Variants in RPS27L observed in about 807,000 individuals in gnomAD.
RPS27L encodes ribosomal protein S27 like, also known as ribosomal protein eS27-like.
In RPS27L, 10 loss-of-function variants were observed where a neutral mutation model predicts 12.8. The observed-to-expected ratio is 0.78, with a 90% confidence interval of 0.48 to 1.33. RPS27L has a LOEUF of 1.33. RPS27L is among the 40% of genes most tolerant of loss of function. The probability of loss-of-function intolerance (pLI) is 0.00; values close to 1 mark genes in which losing one functional copy is unlikely to be tolerated. For missense variants in RPS27L, 81 were observed against 97.4 expected (o/e 0.83, Z 0.71); for synonymous variants, 26 against 32.3 (o/e 0.81, Z 0.66).
chr15:63,154,770 A>G (rs2037321081), intron 3 of RPS27L: 1 of 152,084 alleles, frequency 6.6e-6, no homozygotes, highest in African/African-American at 2.4e-5. Context: ...AACTATATAT[A>G]TAATTTTTTT....
chr15:63,157,348 C>T (rs2037339677), intron 1 of RPS27L, 52 bp downstream of exon 1: 1 of 1,608,508 alleles, frequency 6.2e-7, no homozygotes, highest in African/African-American at 1.3e-5. Flanking sequence ...TCCCATATGA[C>T]TCTCGGTAAA....
chr15:63,150,107 TA>T lies in RPS27L; in HGVS notation c.*3924del, dbSNP rs2037290215. The T allele has an allele frequency of 6.6e-6, 1 of 152,128 alleles. No individual in the cohort carries two copies. The highest frequency in any genetic ancestry group is 1.5e-5 in the Non-Finnish European group (1 of 68,014). 9.4% of individuals were successfully genotyped at this position (152,128 alleles called of 1,614,324 possible). ...AAATAAATAAAAAGTGAAAACACTCTAAGTATCTATCAACTGATGAATGGAT... is the reference window on the plus strand; with the variant it reads ...AAATAAATAAAAAGTGAAAACACTCTAGTATCTATCAACTGATGAATGGAT... On this transcript the variant is annotated 3_prime_UTR_variant, in exon 4 of 4. Transcript: ENST00000330964.
Position 63,152,886 on chromosome 15 carries a change from A to C in RPS27L, c.*1146T>G, listed in dbSNP as rs1224470427. On this transcript the variant is annotated 3_prime_UTR_variant, in exon 4 of 4. Transcript: ENST00000330964. ...GATTTAAGCAGTATGTAAGAGGATC[A>C]GTTGCTCACATTAGAGGCCTACCTG... 6.6e-6 allele frequency: 1 copy of C among 152,202 alleles called. No individual in the cohort carries two copies. The highest frequency in any genetic ancestry group is 6.5e-5 in the Admixed American group (1 of 15,268). 9.4% of individuals were successfully genotyped at this position (152,202 alleles called of 1,614,324 possible).
rs1279322857 is a variant in RPS27L, at chr15:63,151,075, T to G, written c.*2957A>C. ...AAATATGAAGTCAATATAAATAATA[T>G]TTAAAACATTCAGTATATAATAATG... On this transcript the variant is annotated 3_prime_UTR_variant, in exon 4 of 4. Transcript: ENST00000330964. 6.6e-6 allele frequency: 1 copy of G among 152,182 alleles called. No homozygotes were observed. Among genetic ancestry groups the G allele is most frequent in the Non-Finnish European group, 1.5e-5 (1 of 68,024 alleles). 9.4% of individuals were successfully genotyped at this position (152,182 alleles called of 1,614,324 possible). A position where few individuals can be genotyped will look rare whatever the true frequency, so the allele number is the denominator to read the frequency against.
In RPS27L at chr15:63,148,852, C is replaced by CTTTTTTTTT. The variant is rs138519912; in HGVS notation, c.*5171_*5179dup. 1 of 119,446 alleles carries CTTTTTTTTT rather than the reference C, an allele frequency of 8.4e-6. No homozygotes were observed. The highest frequency in any genetic ancestry group is 1.7e-5 in the Non-Finnish European group (1 of 58,026). 7.4% of individuals were successfully genotyped at this position (119,446 alleles called of 1,614,324 possible). ...CAAACACCATGACCTGATGTCATTT[C>CTTTTTTTTT]TTTTTTTTTTTTTTTTTTTTTTTTC... On this transcript the variant is annotated 3_prime_UTR_variant, in exon 4 of 4. Transcript: ENST00000330964.
In RPS27L at chr15:63,150,661, G is replaced by GA. The variant is rs1461490613; in HGVS notation, c.*3370_*3371insT. On this transcript the variant is annotated 3_prime_UTR_variant, in exon 4 of 4. Transcript: ENST00000330964. ...TTTAGCTTATTTATTTTTTTCTTGAGCTGGAGTCTTGCTCTGTCACCCAGG... is the reference window on the plus strand; with the variant it reads ...TTTAGCTTATTTATTTTTTTCTTGAGACTGGAGTCTTGCTCTGTCACCCAGG... 6.6e-6 allele frequency: 1 copy of GA among 152,112 alleles called. No homozygotes were observed. Among genetic ancestry groups the GA allele is most frequent in the Non-Finnish European group, 1.5e-5 (1 of 68,046 alleles). 9.4% of individuals were successfully genotyped at this position (152,112 alleles called of 1,614,324 possible).
intron 1 of RPS27L, 162 bp downstream of exon 1, chr15:63,157,238 C>T (rs2037338441): frequency 1.3e-6 from 1 of 782,316 alleles, no homozygotes; most frequent in South Asian, 1.5e-5. Flanking sequence ...GGTGACCGGG[C>T]AAGTCACTAC....
chr15:63,153,977 A>T lies in RPS27L; in HGVS notation c.*55T>A, dbSNP rs369185447. ...ATTAATTAGAATTATGGAATTTATG[A>T]TAAGGCTTTCTGTGAGACAACACAA... On this transcript the variant is annotated 3_prime_UTR_variant, in exon 4 of 4. Coordinates refer to ENST00000330964, the MANE Select transcript of RPS27L (RefSeq NM_015920.4). 1.9e-4 allele frequency: 267 copies of T among 1,401,632 alleles called. 1 individual carries two copies. The South Asian group carries it at 3.0e-3, about 16-fold the overall frequency. The allele number at this position is 1,401,632 out of a possible 1,614,324, so 86.8% of individuals were successfully genotyped here. A position where few individuals can be genotyped will look rare whatever the true frequency, so the allele number is the denominator to read the frequency against.
At chr15:63,154,229 A>G (rs2037318227) in intron 3 of RPS27L, 169 bp from the exon 4 acceptor site, 5 of 587,970 alleles carry the variant, frequency 8.5e-6, no homozygotes, top group Admixed American at 3.2e-5. Flanking sequence ...TAATACATCT[A>G]TCATATCTGA....
chr15:63,152,435 A>C lies in RPS27L; in HGVS notation c.*1597T>G, dbSNP rs1379282989. On this transcript the variant is annotated 3_prime_UTR_variant, in exon 4 of 4. Transcript: ENST00000330964. ...TTACTGAGATTCTAATGATGTCAGA[A>C]ACTAAAAGTCTGAGAATCTCTGGGT... 1 of 151,792 alleles carries C rather than the reference A, an allele frequency of 6.6e-6. No individual in the cohort carries two copies. 9.4% of individuals were successfully genotyped at this position (151,792 alleles called of 1,614,324 possible).
rs1472438908 is a variant in RPS27L at position 63,152,426 on chromosome 15, G to A, written c.*1606C>T. 6.6e-6 allele frequency: 1 copy of A among 151,378 alleles called. No homozygotes were observed. The highest frequency in any genetic ancestry group is 1.5e-5 in the Non-Finnish European group (1 of 67,914). The allele number at this position is 151,378 out of a possible 1,614,324, so 9.4% of individuals were successfully genotyped here. On this transcript the variant is annotated 3_prime_UTR_variant, in exon 4 of 4. Transcript: ENST00000330964. ...TGAAAAAAATTACTGAGATTCTAAT[G>A]ATGTCAGAAACTAAAAGTCTGAGAA...
chr15:63,157,223 G>A (rs2037338298), intron 1 of RPS27L, 177 bp downstream of exon 1: 3 of 708,164 alleles, frequency 4.2e-6, no homozygotes, highest in Non-Finnish European at 5.0e-6. Flanking sequence ...GGCCAGCCGC[G>A]CCGCGGTGAC....
chr15:63,156,028 C>G, intron 2 of RPS27L, among the ~76,000 whole-genome samples: 1 of 152,138 alleles, frequency 6.6e-6, no homozygotes, highest in East Asian at 1.9e-4. Flanking sequence ...AAGAACATCT[C>G]TATTTTGAGT....
rs1304042223 is a variant in RPS27L, at chr15:63,149,080, A to G, written c.*4952T>C. 1 of 151,892 alleles carries G rather than the reference A, an allele frequency of 6.6e-6. No individual in the cohort carries two copies. The highest frequency in any genetic ancestry group is 2.4e-5 in the African/African-American group (1 of 41,366). 9.4% of individuals were successfully genotyped at this position (151,892 alleles called of 1,614,324 possible). ...CATCATGTTGGCCAGGATGGTCTCA[A>G]TCTCGACCTCGTGATCCGCCGCCTG... On this transcript the variant is annotated 3_prime_UTR_variant, in exon 4 of 4. Coordinates refer to ENST00000330964, the MANE Select transcript of RPS27L (RefSeq NM_015920.4).
At chr15:63,155,267 G>A (rs1436831713) in intron 3 of RPS27L, 1 of 158,174 alleles carries the variant, frequency 6.3e-6, no homozygotes, top group African/African-American at 2.4e-5. Flanking sequence ...CAGCCTGGGT[G>A]ACAGAGCGAG....
At chr15:63,155,600 G>T in intron 3 of RPS27L, 21 bp downstream of exon 3, 3 of 1,465,304 alleles carry the variant, frequency 2.0e-6, no homozygotes, top group East Asian at 2.3e-5. Context: ...TCACTGGGTT[G>T]GAGAATGCCA....
In RPS27L at chr15:63,148,774, C is replaced by G. The variant is rs2037280487; in HGVS notation, c.*5258G>C. ...AAATCAGCAGAGAAAATTTGCAATT[C>G]TGGCATCTCCTTTGAAACAAAATTC... On this transcript the variant is annotated 3_prime_UTR_variant, in exon 4 of 4. Transcript: ENST00000330964. 1 of 151,730 alleles carries G rather than the reference C, an allele frequency of 6.6e-6. No individual in the cohort carries two copies. Among genetic ancestry groups the G allele is most frequent in the Non-Finnish European group, 1.5e-5 (1 of 67,992 alleles). 9.4% of individuals were successfully genotyped at this position (151,730 alleles called of 1,614,324 possible).
At position 63,155,619 on chromosome 15, in the gene RPS27L, A is replaced by G. The variant is rs1193308667; in HGVS notation, c.226+2T>C. Reference sequence around the variant, plus strand: ...TGGGTTGGAGAATGCCAAATGATATACCTTCTGTGAGTCTGGCCTTTCCTC... The same window carrying G: ...TGGGTTGGAGAATGCCAAATGATATGCCTTCTGTGAGTCTGGCCTTTCCTC... On this transcript the variant is annotated splice_donor_variant, in intron 3 of 3. Transcript: ENST00000330964. LOFTEE classifies it high-confidence loss of function. 1.3e-6 allele frequency: 2 copies of G among 1,570,234 alleles called. No individual in the cohort carries two copies. Among genetic ancestry groups the G allele is most frequent in the Non-Finnish European group, 1.7e-6 (2 of 1,150,134 alleles).
intron 3 of RPS27L, chr15:63,154,773 A>G (rs147667032): frequency 6.6e-6 from 1 of 151,496 alleles, no homozygotes; most frequent in Non-Finnish European, 1.5e-5. Flanking sequence ...TATATATATA[A>G]TTTTTTTTTC....
Sources: gnomAD v4.1 joint callset for allele counts (sites outside exome capture counted in the v4.1 genomes callset) on GRCh38, gnomAD v4.1.1 for gene constraint, MANE v1.5 for transcripts, NCBI Gene and HGNC (gene_info 2026-07-23, HGNC 2026-07-21) for gene names.